Variants in CRMP1 observed in about 807,000 individuals in gnomAD.
CRMP1 encodes dihydropyrimidinase-related protein 1.
CRMP1 carries 19 observed loss-of-function variants against 68.3 expected under a neutral mutation model. The ratio of observed to expected loss-of-function variants is 0.28; its 90% confidence interval spans 0.19 to 0.41. The LOEUF (loss-of-function observed/expected upper bound fraction) is 0.41, where lower values mean the gene tolerates loss of function less well. Ranked by LOEUF, CRMP1 falls within the 10% of genes least tolerant of loss-of-function variation. CRMP1 has a pLI of 1.00. For synonymous variants in CRMP1, 439 were observed against 399.6 expected (o/e 1.10, Z -1.18); for missense variants, 791 against 967.4 (o/e 0.82, Z 2.42).
rs1452899992 is a variant in CRMP1 at position 5,872,717 on chromosome 4, GA to G, written c.382-5962del. ...ACAATTATTATGTATAAACCTTGAA[GA>G]AATAAAGCATCTCATGAAAAACTCA... On this transcript the variant is annotated intron_variant, in intron 1 of 13. Transcript: ENST00000324989. This position sits in a 1 kb window ranked among gnomAD's most constrained non-coding sequence, Gnocchi z 4.6. 1.3e-5 allele frequency among the ~76,000 whole-genome samples: 2 copies of G among 152,190 alleles called. No individual in the cohort carries two copies. Among genetic ancestry groups the G allele is most frequent in the Non-Finnish European group, 1.5e-5 (1 of 68,032 alleles).
At chr4:5,829,029 A>AT (rs146056265) in intron 11 of CRMP1, among the ~76,000 whole-genome samples, 12,515 of 152,060 alleles carry the variant, frequency 0.082, 743 homozygotes, top group African/African-American at 0.16. Context: ...TTTAAATAAA[A>AT]TTTTTTTCTC....
At position 5,859,082 on chromosome 4, in the gene CRMP1, C is replaced by T. The variant is rs1343674153; in HGVS notation, c.655+1944G>A. The stretch of plus-strand genomic sequence containing the variant: ...TGTAGCAGGAGTCACAGTTTCTAGT[C>T]ATACATGTGGACGATTAGTGACTCC... On this transcript the variant is annotated intron_variant, in intron 3 of 13. Coordinates refer to ENST00000324989, the MANE Select transcript of CRMP1 (RefSeq NM_001014809.3). This position sits in a 1 kb window ranked among gnomAD's most constrained non-coding sequence, Gnocchi z 5.2. Among the ~76,000 whole-genome samples, 1 of 152,152 alleles carries T rather than the reference C, an allele frequency of 6.6e-6. No individual in the cohort carries two copies. Among genetic ancestry groups the T allele is most frequent in the Non-Finnish European group, 1.5e-5 (1 of 68,040 alleles).
rs577094199 is a variant in CRMP1, at chr4:5,854,120, G to A, written c.820+2023C>T. ...CCTAAACGACCATTTGCTTAAGGCG[G>A]CAACCTGGGGAAAATTGCTCAGAAC... On this transcript the variant is annotated intron_variant, in intron 4 of 13. Transcript: ENST00000324989. The surrounding 1 kb of genome is among the most constrained non-coding windows in gnomAD (Gnocchi z 4.0). Among the ~76,000 whole-genome samples, 1 of 152,202 alleles carries A rather than the reference G, an allele frequency of 6.6e-6. No individual in the cohort carries two copies. Among genetic ancestry groups the A allele is most frequent in the Non-Finnish European group, 1.5e-5 (1 of 68,042 alleles).
intron 9 of CRMP1, 134 bp downstream of exon 9, chr4:5,839,388 A>C: frequency 3.6e-6 from 4 of 1,102,436 alleles, no homozygotes; most frequent in Non-Finnish European, 5.1e-6. Context: ...ATATGAGCGC[A>C]GTCCTTGCAG....
rs753208680 is a variant in CRMP1, at chr4:5,869,226, T to C, written c.382-2470A>G. Among the ~76,000 whole-genome samples, 165 of 152,302 alleles carry C rather than the reference T, an allele frequency of 1.1e-3. 1 individual carries two copies. Among genetic ancestry groups the C allele is most frequent in the Middle Eastern group, 3.4e-3 (1 of 294 alleles). On this transcript the variant is annotated intron_variant, in intron 1 of 13. Transcript: ENST00000324989. ...CCTCGGTTTCCCAAAGCACCGGGATTACAGGTGTGAGCCACCGTGCCTTGG... is the reference window on the plus strand; with the variant it reads ...CCTCGGTTTCCCAAAGCACCGGGATCACAGGTGTGAGCCACCGTGCCTTGG...
In CRMP1 at chr4:5,861,120, G is replaced by A. The variant is rs950320758; in HGVS notation, c.561C>T (p.Asn187=). 1.9e-6 allele frequency: 3 copies of A among 1,614,222 alleles called. No homozygotes were observed. The highest frequency in any genetic ancestry group is 1.6e-4 in the Middle Eastern group (1 of 6,062). Residue 187 remains asparagine, a synonymous_variant, in exon 3 of 14, where the codon AAC becomes AAT. Transcript: ENST00000324989. This position sits in a 1 kb window ranked among gnomAD's most constrained non-coding sequence, Gnocchi z 6.0. ...RMVIPGGIDV[N]TYLQKPSQGM... The stretch of plus-strand genomic sequence containing the variant: ...CCTGGGAGGGCTTCTGCAGGTACGT[G>A]TTGACATCAATACCTCCGGGAATAA...
intron 1 of CRMP1, chr4:5,887,463 G>A: frequency 4.1e-6 from 4 of 985,492 alleles, no homozygotes; most frequent in Non-Finnish European, 3.6e-6. Flanking sequence ...TGGGGCGGAG[G>A]GCCAGCTCCT....
rs1292360612 is a variant in CRMP1 at position 5,853,393 on chromosome 4, G to A, written c.821-1924C>T. Reference sequence around the variant, plus strand: ...CACTCCAGCCTGGGTGACAGAGTAAGACTCCATCAGAAGGAAAGAAAGAAA... The same window carrying A: ...CACTCCAGCCTGGGTGACAGAGTAAAACTCCATCAGAAGGAAAGAAAGAAA... On this transcript the variant is annotated intron_variant, in intron 4 of 13. Transcript: ENST00000324989. The surrounding 1 kb of genome is among the most constrained non-coding windows in gnomAD (Gnocchi z 4.7). Among the ~76,000 whole-genome samples the A allele has an allele frequency of 1.3e-5, 2 of 152,156 alleles. No individual in the cohort carries two copies. Among genetic ancestry groups the A allele is most frequent in the Non-Finnish European group, 2.9e-5 (2 of 68,036 alleles).
At chr4:5,875,711 T>G (rs1169532621) in intron 1 of CRMP1, among the ~76,000 whole-genome samples, 1 of 146,280 alleles carries the variant, frequency 6.8e-6, no homozygotes, top group Non-Finnish European at 1.5e-5. Context: ...GAGGAACAGG[T>G]GGGGGTTGGT....
rs545494199 is a variant in CRMP1, at chr4:5,853,589, G to C, written c.821-2120C>G. Among the ~76,000 whole-genome samples, 1 of 152,148 alleles carries C rather than the reference G, an allele frequency of 6.6e-6. No homozygotes were observed. The highest frequency in any genetic ancestry group is 2.4e-5 in the African/African-American group (1 of 41,440). On this transcript the variant is annotated intron_variant, in intron 4 of 13. Coordinates refer to ENST00000324989, the MANE Select transcript of CRMP1 (RefSeq NM_001014809.3). This position sits in a 1 kb window ranked among gnomAD's most constrained non-coding sequence, Gnocchi z 4.7. The stretch of plus-strand genomic sequence containing the variant: ...CATATGCTTCAGCAGTCCCACTACC[G>C]GCTGAAAATCCAAAGGAATTGAAAT...
At position 5,864,615 on chromosome 4, in the gene CRMP1, T is replaced by A. The variant is rs968571210; in HGVS notation, c.470+2053A>T. 1.1e-4 allele frequency among the ~76,000 whole-genome samples: 16 copies of A among 152,194 alleles called. No individual in the cohort carries two copies. In the East Asian group the frequency reaches 3.1e-3, roughly 30 times the overall value. On this transcript the variant is annotated intron_variant, in intron 2 of 13. Transcript: ENST00000324989. The stretch of plus-strand genomic sequence containing the variant: ...AGGCCCTGGTCAAGGAGCGATGCAG[T>A]GTGACAGTGGCTGCAACAGACAGCA...
rs1715782097 is a variant in CRMP1 at position 5,888,631 on chromosome 4, C to T, written c.381+3958G>A. 9.4e-6 allele frequency: 9 copies of T among 954,254 alleles called. No homozygotes were observed. Among genetic ancestry groups the T allele is most frequent in the Non-Finnish European group, 1.1e-5 (9 of 797,536 alleles). 59.1% of individuals were successfully genotyped at this position (954,254 alleles called of 1,614,324 possible). On this transcript the variant is annotated intron_variant, in intron 1 of 13. Coordinates refer to ENST00000324989, the MANE Select transcript of CRMP1 (RefSeq NM_001014809.3). The surrounding 1 kb of genome is among the most constrained non-coding windows in gnomAD (Gnocchi z 6.4). ...CCTTCCGATCTCCCACCCCGCCCCCCGCCCCCCACCCGCCCAGCCCCGCCG... is the reference window on the plus strand; with the variant it reads ...CCTTCCGATCTCCCACCCCGCCCCCTGCCCCCCACCCGCCCAGCCCCGCCG...
At chr4:5,885,108 T>A (rs9992519) in intron 1 of CRMP1, among the ~76,000 whole-genome samples, 10 of 151,988 alleles carry the variant, frequency 6.6e-5, no homozygotes, top group African/African-American at 2.4e-4. Flanking sequence ...CTATATTGTC[T>A]CAGAAAAAGG....
At chr4:5,871,609 G>A (rs1714454979) in intron 1 of CRMP1, among the ~76,000 whole-genome samples, 1 of 151,998 alleles carries the variant, frequency 6.6e-6, no homozygotes, top group African/African-American at 2.4e-5. Context: ...GCAGTGAGCC[G>A]AGATCGCACC....
At chr4:5,837,239 A>G (rs903309054) in intron 9 of CRMP1, among the ~76,000 whole-genome samples, 1 of 152,210 alleles carries the variant, frequency 6.6e-6, no homozygotes, top group Non-Finnish European at 1.5e-5. Flanking sequence ...AAAGTGGCAC[A>G]AGTTCACTGG....
chr4:5,837,647 AAAT>A lies in CRMP1; in HGVS notation c.1311-744_1311-742del, dbSNP rs1315674072. On this transcript the variant is annotated intron_variant, in intron 9 of 13. Coordinates refer to ENST00000324989, the MANE Select transcript of CRMP1 (RefSeq NM_001014809.3). ...CAGTCTCAAAAAATAAAATAAAATA[AAAT>A]AATAAAATAAAATAAAATAAAATAA... Among the ~76,000 whole-genome samples the A allele has an allele frequency of 6.6e-5, 8 of 120,918 alleles. 1 individual carries two copies. Among genetic ancestry groups the A allele is most frequent in the African/African-American group, 3.0e-4 (7 of 23,354 alleles). 79.3% of individuals were successfully genotyped at this position (120,918 alleles called of 152,430 possible).
At position 5,853,406 on chromosome 4, in the gene CRMP1, GGAAA is replaced by G. The variant is rs1221847723; in HGVS notation, c.821-1941_821-1938del. Among the ~76,000 whole-genome samples, 4 of 152,098 alleles carry G rather than the reference GGAAA, an allele frequency of 2.6e-5. No homozygotes were observed. The highest frequency in any genetic ancestry group is 9.7e-5 in the African/African-American group (4 of 41,434). On this transcript the variant is annotated intron_variant, in intron 4 of 13. Coordinates refer to ENST00000324989, the MANE Select transcript of CRMP1 (RefSeq NM_001014809.3). This position sits in a 1 kb window ranked among gnomAD's most constrained non-coding sequence, Gnocchi z 4.7. ...GTGACAGAGTAAGACTCCATCAGAA[GGAAA>G]GAAAGAAAGAGCTGCATCTAAGAGA...
chr4:5,889,532 G>A lies in CRMP1; in HGVS notation c.381+3057C>T. 2 of 1,527,968 alleles carry A rather than the reference G, an allele frequency of 1.3e-6. No individual in the cohort carries two copies. Among genetic ancestry groups the A allele is most frequent in the Non-Finnish European group, 1.8e-6 (2 of 1,139,680 alleles). The allele number at this position is 1,527,968 out of a possible 1,614,324, so 94.7% of individuals were successfully genotyped here. A position where few individuals can be genotyped will look rare whatever the true frequency, so the allele number is the denominator to read the frequency against. On this transcript the variant is annotated intron_variant, in intron 1 of 13. Coordinates refer to ENST00000324989, the MANE Select transcript of CRMP1 (RefSeq NM_001014809.3). This position sits in a 1 kb window ranked among gnomAD's most constrained non-coding sequence, Gnocchi z 4.5. ...AGGTCCGTAACAGCAGAGGGGAAAAGATGAAAGAAGATGGAGGAAAAGGGG... is the reference window on the plus strand; with the variant it reads ...AGGTCCGTAACAGCAGAGGGGAAAAAATGAAAGAAGATGGAGGAAAAGGGG...
intron 1 of CRMP1, among the ~76,000 whole-genome samples, chr4:5,867,090 G>C (rs137881125): frequency 5.3e-5 from 8 of 152,148 alleles, no homozygotes; most frequent in Admixed American, 1.3e-4. Context: ...TGGGCAGCAA[G>C]CTGCACTTTT....
Sources: gnomAD v4.1 joint callset for allele counts (sites outside exome capture counted in the v4.1 genomes callset) on GRCh38, gnomAD v4.1.1 for gene constraint, Gnocchi (gnomAD v3.1) non-coding constraint, MANE v1.5 for transcripts, NCBI Gene and HGNC (gene_info 2026-07-23, HGNC 2026-07-21) for gene names.